The following DGKB variants were observed in gnomAD, a reference collection of about 807,000 sequenced individuals.
The protein encoded by DGKB is 90 kDa diacylglycerol kinase.
A neutral mutation model predicts 114.3 loss-of-function variants in DGKB; 67 were observed. The observed-to-expected ratio is 0.59, with a 90% CI of 0.48 to 0.72. The LOEUF is 0.72. DGKB is among the 30% of genes least tolerant of loss of function. The pLI, the probability that DGKB is intolerant of heterozygous loss-of-function variation, is 0.00. For missense variants in DGKB, 907 were observed against 975.2 expected (o/e 0.93, Z 0.93); for synonymous variants, 398 against 323.1 (o/e 1.23, Z -2.49).
intron 21 of DGKB, among the ~76,000 whole-genome samples, chr7:14,420,268 G>T (rs1177494230): frequency 6.6e-6 from 1 of 151,670 alleles, no homozygotes; most frequent in Non-Finnish European, 1.5e-5. Flanking sequence ...ATGAATTCAA[G>T]TGGTAATATT....
At chr7:14,618,721 C>A (rs1324850128) in intron 15 of DGKB, among the ~76,000 whole-genome samples, 1 of 151,490 alleles carries the variant, frequency 6.6e-6, no homozygotes, top group East Asian at 1.9e-4. Flanking sequence ...CTATTACTTC[C>A]TCTAATTAGA....
At chr7:14,854,956 A>C (rs1272046033) in intron 1 of DGKB, among the ~76,000 whole-genome samples, 2 of 152,232 alleles carry the variant, frequency 1.3e-5, no homozygotes, top group Admixed American at 1.3e-4. Flanking sequence ...GAATAATTGC[A>C]TGATGAGATG....
At chr7:14,490,339 C>T (rs954745914) in intron 20 of DGKB, among the ~76,000 whole-genome samples, 1 of 152,040 alleles carries the variant, frequency 6.6e-6, no homozygotes, top group East Asian at 1.9e-4. Flanking sequence ...TAATTATTTT[C>T]TTTATACCTG....
chr7:14,872,834 A>C (rs985539743), intron 1 of DGKB, among the ~76,000 whole-genome samples: 16 of 144,494 alleles, frequency 1.1e-4, no homozygotes, highest in African/African-American at 3.9e-4. Context: ...TAATGTATAT[A>C]ATATATTTCA....
intron 1 of DGKB, among the ~76,000 whole-genome samples, chr7:14,866,438 C>A (rs2128188785): frequency 6.6e-6 from 1 of 152,258 alleles, no homozygotes; most frequent in Non-Finnish European, 1.5e-5. Context: ...AAACACTAAT[C>A]TTTTGTACTG....
At chr7:14,169,152 G>A (rs957551512) in intron 25 of DGKB, among the ~76,000 whole-genome samples, 1 of 151,438 alleles carries the variant, frequency 6.6e-6, no homozygotes, top group Non-Finnish European at 1.5e-5. Flanking sequence ...AAGGTCAGGA[G>A]ATCAAGACCA....
At chr7:14,896,149 G>A (rs548771486) in intron 1 of DGKB, among the ~76,000 whole-genome samples, 9 of 151,690 alleles carry the variant, frequency 5.9e-5, no homozygotes, top group African/African-American at 2.2e-4. Flanking sequence ...GGTACAAATA[G>A]CAGAGTAGCC....
intron 21 of DGKB, among the ~76,000 whole-genome samples, chr7:14,477,469 A>C (rs1782352882): frequency 6.6e-6 from 1 of 152,138 alleles, no homozygotes; most frequent in South Asian, 2.1e-4. Context: ...AGCAAAAGAT[A>C]ATTCACTTCT....
At chr7:14,224,131 CTATCTT>C (rs2128327856) in intron 23 of DGKB, among the ~76,000 whole-genome samples, 1 of 151,772 alleles carries the variant, frequency 6.6e-6, no homozygotes, top group South Asian at 2.1e-4. Context: ...CTGCTTCCTC[CTATCTT>C]TATTTCCCTT....
rs577896025 is a variant in DGKB at position 14,949,138 on chromosome 7, A to G, written c.-188+25558T>C. Among the ~76,000 whole-genome samples the G allele has an allele frequency of 2.0e-5, 3 of 151,966 alleles. No homozygotes were observed. The East Asian group carries it at 5.8e-4, about 29-fold the overall frequency. On this transcript the variant is annotated intron_variant, in intron 1 of 4. Transcript: ENST00000437998. ...AACAACATTTTTTACAAATACGAAA[A>G]AACAGGTATTTTACAAAAGAAACAT... is the stretch of plus-strand genomic sequence containing the variant.
intron 13 of DGKB, among the ~76,000 whole-genome samples, chr7:14,637,278 T>C (rs765503371): frequency 4.6e-5 from 7 of 151,956 alleles, no homozygotes; most frequent in Non-Finnish European, 8.8e-5. Flanking sequence ...AGTGTTATTA[T>C]ATATTCCTCA....
At chr7:14,385,963 A>C (rs1820274195) in intron 21 of DGKB, among the ~76,000 whole-genome samples, 1 of 152,244 alleles carries the variant, frequency 6.6e-6, no homozygotes, top group Non-Finnish European at 1.5e-5. Flanking sequence ...TTCAAACGGA[A>C]GAAAATGCTA....
Position 14,478,164 on chromosome 7 carries a change from C to G in DGKB, c.1832G>C (p.Ser611Thr). 1 of 1,597,018 alleles carries G rather than the reference C, an allele frequency of 6.3e-7. No homozygotes were observed. Among genetic ancestry groups the G allele is most frequent in the Non-Finnish European group, 8.6e-7 (1 of 1,168,742 alleles). Reference sequence around the variant, plus strand: ...TTCATCTCTTTTGTCACCTTACCTACTGTTGAATTTCTCTGGGTGTTTTTC... The same window carrying G: ...TTCATCTCTTTTGTCACCTTACCTAGTGTTGAATTTCTCTGGGTGTTTTTC... ...MREKHPEKFNSRMKNKFWYFE... is the reference protein window; with the variant it reads ...MREKHPEKFNTRMKNKFWYFE... Residue 611 changes from serine to threonine, a missense_variant, in exon 21 of 26, where the codon AGT becomes ACT. Physicochemically the swap from Ser to Thr is moderately conservative, Grantham distance 58. Coordinates refer to ENST00000402815, the MANE Select transcript of DGKB (RefSeq NM_001350709.2).
chr7:14,624,613 G>A (rs1808238760), intron 14 of DGKB, among the ~76,000 whole-genome samples: 1 of 152,150 alleles, frequency 6.6e-6, no homozygotes, highest in African/African-American at 2.4e-5. Context: ...GATAGCAGTT[G>A]ATTAAATGGC....
intron 3 of DGKB, among the ~76,000 whole-genome samples, chr7:14,756,480 T>C (rs749122833): frequency 6.6e-6 from 1 of 152,072 alleles, no homozygotes; most frequent in Admixed American, 6.6e-5. Context: ...TTCTCCATCA[T>C]TTATAGGCAC....
intron 21 of DGKB, among the ~76,000 whole-genome samples, chr7:14,457,954 AG>A (rs1189309967): frequency 6.6e-6 from 1 of 152,238 alleles, no homozygotes; most frequent in Admixed American, 6.5e-5. Context: ...TTAATAGGGA[AG>A]GACTCATCCA....
intron 1 of DGKB, among the ~76,000 whole-genome samples, chr7:14,934,084 T>C (rs989152918): frequency 1.3e-5 from 2 of 152,168 alleles, no homozygotes; most frequent in African/African-American, 4.8e-5. Flanking sequence ...CTGCAGAAGA[T>C]CAATTCCCTC....
At chr7:14,164,041 C>T (rs1784297536) in intron 25 of DGKB, among the ~76,000 whole-genome samples, 1 of 151,748 alleles carries the variant, frequency 6.6e-6, no homozygotes, top group African/African-American at 2.4e-5. Context: ...AAAAACCTCA[C>T]CACCACAACA....
chr7:14,352,931 A>T (rs1419967159), intron 21 of DGKB, among the ~76,000 whole-genome samples: 1 of 147,344 alleles, frequency 6.8e-6, no homozygotes, highest in East Asian at 1.9e-4. Flanking sequence ...CTCAAAAACA[A>T]ACAAAAAAAA....
Sources: allele counts gnomAD v4.1 joint callset (sites outside exome capture counted in the v4.1 genomes callset), GRCh38; gene constraint gnomAD v4.1.1; transcripts MANE v1.5; gene names NCBI Gene and HGNC (gene_info 2026-07-23, HGNC 2026-07-21).